CPED1: variants seen among roughly 807,000 people sequenced by gnomAD.
CPED1 encodes the protein cadherin like and PC-esterase domain containing 1, also known as cadherin-like and PC-esterase domain-containing protein 1.
Under a neutral mutation model 128.2 loss-of-function variants are expected in CPED1, and 114 were observed. That is an observed-to-expected ratio of 0.89 (90% CI 0.76 to 1.04). The LOEUF is 1.04. Among genes scored for constraint, CPED1 ranks in the 50% least tolerant of loss-of-function variants. CPED1 has a pLI of 0.00. For synonymous variants in CPED1, 462 were observed against 426.7 expected, an observed-to-expected ratio of 1.08 and a Z score of -1.02; for missense variants, 1,211 against 1,207.1, an observed-to-expected ratio of 1.00 and a Z score of -0.05.
At chr7:121,262,882 A>G (rs906905575) in intron 18 of CPED1, among the ~76,000 whole-genome samples, 1 of 152,118 alleles carries the variant, frequency 6.6e-6, no homozygotes, top group African/African-American at 2.4e-5. Context: ...GAAGTTAGAC[A>G]TCTTTTAGTT....
chr7:121,017,737 T>G (rs2116819775), intron 3 of CPED1, among the ~76,000 whole-genome samples: 1 of 152,318 alleles, frequency 6.6e-6, no homozygotes, highest in East Asian at 1.9e-4. Context: ...ATATCTCCTC[T>G]TTCCCTTGAT....
intron 16 of CPED1, among the ~76,000 whole-genome samples, chr7:121,224,668 G>C (rs947217133): frequency 6.6e-6 from 1 of 152,032 alleles, no homozygotes; most frequent in Non-Finnish European, 1.5e-5. Flanking sequence ...ATATATTTAG[G>C]ATAGTTAGCT....
Position 121,063,191 on chromosome 7 carries a change from TG to T in CPED1, c.541-1046del, listed in dbSNP as rs1331095883. ...AGCTATTATCGGGGAAAAGAGAGTT[TG>T]CTGAACACATGAACAGGGTTAATAA... On this transcript the variant is annotated intron_variant, in intron 4 of 22. Transcript: ENST00000310396. 2.0e-5 allele frequency among the ~76,000 whole-genome samples: 3 copies of T among 152,182 alleles called. No homozygotes were observed. The East Asian group carries it at 5.8e-4, about 29-fold the overall frequency.
chr7:121,230,100 A>G (rs760929941), intron 16 of CPED1, among the ~76,000 whole-genome samples: 12 of 152,090 alleles, frequency 7.9e-5, no homozygotes, highest in Admixed American at 5.2e-4. Flanking sequence ...AAATAGACAT[A>G]TTGGTGGTCC....
intron 5 of CPED1, among the ~76,000 whole-genome samples, chr7:121,073,002 G>T (rs1221765160): frequency 3.3e-5 from 5 of 152,050 alleles, no homozygotes; most frequent in Admixed American, 3.3e-4. Flanking sequence ...TTGTTGCACA[G>T]TTGACCCTTG....
chr7:121,279,574 G>A (rs1409502628), intron 22 of CPED1, among the ~76,000 whole-genome samples: 1 of 151,998 alleles, frequency 6.6e-6, no homozygotes, highest in Non-Finnish European at 1.5e-5. Flanking sequence ...GCCGAGAGAA[G>A]AGAAATACTA....
chr7:121,258,806 C>T (rs374629812), intron 18 of CPED1, among the ~76,000 whole-genome samples: 4 of 152,082 alleles, frequency 2.6e-5, no homozygotes, highest in Admixed American at 6.6e-5. Flanking sequence ...ATGTAAAATT[C>T]GAATTTTTAA....
intron 16 of CPED1, among the ~76,000 whole-genome samples, chr7:121,149,137 C>T (rs1796093894): frequency 6.6e-6 from 1 of 152,202 alleles, no homozygotes; most frequent in Non-Finnish European, 1.5e-5. Context: ...ACTGAGGCAT[C>T]CTTTACCAGT....
intron 3 of CPED1, among the ~76,000 whole-genome samples, chr7:121,039,465 G>A (rs1478316711): frequency 6.6e-6 from 1 of 151,952 alleles, no homozygotes; most frequent in Non-Finnish European, 1.5e-5. Context: ...TCCTTTTATT[G>A]GAGAATGGTA....
intron 22 of CPED1, among the ~76,000 whole-genome samples, chr7:121,292,816 C>T (rs868579215): frequency 6.6e-6 from 1 of 152,198 alleles, no homozygotes; most frequent in Admixed American, 6.5e-5. Context: ...AGGTCCACCC[C>T]AGGCCCTGTT....
intron 7 of CPED1, among the ~76,000 whole-genome samples, chr7:121,105,183 A>G (rs1342746311): frequency 1.3e-5 from 2 of 152,138 alleles, no homozygotes; most frequent in Non-Finnish European, 2.9e-5. Flanking sequence ...GTTATGTACA[A>G]GATTCCTTTT....
chr7:121,003,818 G>T (rs1791931278), intron 2 of CPED1, among the ~76,000 whole-genome samples: 1 of 152,172 alleles, frequency 6.6e-6, no homozygotes, highest in Admixed American at 6.5e-5. Flanking sequence ...TTGCATGTCA[G>T]TAATGGCCAG....
intron 2 of CPED1, among the ~76,000 whole-genome samples, chr7:121,001,074 G>T (rs1464656611): frequency 6.6e-6 from 1 of 152,078 alleles, no homozygotes; most frequent in Non-Finnish European, 1.5e-5. Context: ...CTTCAATAAT[G>T]CATATGTAGC....
At chr7:121,200,959 G>A (rs915745588) in intron 16 of CPED1, among the ~76,000 whole-genome samples, 1 of 147,566 alleles carries the variant, frequency 6.8e-6, no homozygotes, top group Non-Finnish European at 1.5e-5. Context: ...AAAAGAGAGA[G>A]CAGTGAAGAG....
intron 21 of CPED1, 52 bp from the exon 22 acceptor site, chr7:121,271,232 A>T: frequency 2.0e-6 from 3 of 1,487,602 alleles, no homozygotes; most frequent in Non-Finnish European, 2.8e-6. Flanking sequence ...TTATTGAATC[A>T]TAAAACAATC....
At chr7:121,174,807 C>G (rs1166813226) in intron 16 of CPED1, among the ~76,000 whole-genome samples, 1 of 152,102 alleles carries the variant, frequency 6.6e-6, no homozygotes, top group Non-Finnish European at 1.5e-5. Flanking sequence ...CTGGAAACCT[C>G]TTTGGACAGT....
In CPED1 at chr7:121,287,045, A is replaced by G. The variant is rs563666778; in HGVS notation, c.2869-8395A>G. Among the ~76,000 whole-genome samples, 14 of 152,282 alleles carry G rather than the reference A, an allele frequency of 9.2e-5. No individual in the cohort carries two copies. The South Asian group carries it at 2.9e-3, about 32-fold the overall frequency. On this transcript the variant is annotated intron_variant, in intron 22 of 22. Transcript: ENST00000310396. ...ATCCCATGAGAACTCACTCACTGTT[A>G]TGAAAACAGCATGGAGGAAACCACC...
At chr7:121,226,309 G>A (rs566582859) in intron 16 of CPED1, among the ~76,000 whole-genome samples, 2 of 152,176 alleles carry the variant, frequency 1.3e-5, no homozygotes, top group East Asian at 3.9e-4. Flanking sequence ...GTCACCAGCC[G>A]AGGCTTGGTT....
intron 5 of CPED1, among the ~76,000 whole-genome samples, chr7:121,096,807 T>C (rs2116210300): frequency 6.6e-6 from 1 of 152,210 alleles, no homozygotes; most frequent in South Asian, 2.1e-4. Context: ...CCAGGATGGG[T>C]TAGTAGGTAT....
Sources: gnomAD v4.1 joint callset for allele counts (sites outside exome capture counted in the v4.1 genomes callset) on GRCh38, gnomAD v4.1.1 for gene constraint, MANE v1.5 for transcripts, NCBI Gene and HGNC (gene_info 2026-07-23, HGNC 2026-07-21) for gene names.